NNMT: variants seen among roughly 807,000 people sequenced by gnomAD.
NNMT encodes the protein nicotinamide N-methyltransferase.
NNMT carries 10 observed loss-of-function variants against 11.7 expected under a neutral mutation model. The ratio of observed to expected loss-of-function variants is 0.85; its 90% confidence interval spans 0.53 to 1.45. The LOEUF (loss-of-function observed/expected upper bound fraction) is 1.45, where lower values mean the gene tolerates loss of function less well. Ranked by LOEUF, NNMT falls within the 40% of genes most tolerant of loss-of-function variation. The pLI, the probability that NNMT is intolerant of heterozygous loss-of-function variation, is 0.00. For missense variants in NNMT, 381 were observed against 319.4 expected (o/e 1.19, Z -1.47); for synonymous variants, 143 against 133.8 (o/e 1.07, Z -0.48).
At chr11:114,279,971 G>A (rs574965494) in intron 2 of NNMT, among the ~76,000 whole-genome samples, 4 of 152,150 alleles carry the variant, frequency 2.6e-5, no homozygotes, top group Admixed American at 2.0e-4. Flanking sequence ...GGACTAGGGC[G>A]TCGAAGGTGT....
At chr11:114,275,916 T>C (rs1945209892) in intron 2 of NNMT, among the ~76,000 whole-genome samples, 1 of 152,030 alleles carries the variant, frequency 6.6e-6, no homozygotes, top group Non-Finnish European at 1.5e-5. Context: ...ATATGTCCCA[T>C]GAGGTAAGCT....
Position 114,298,012 on chromosome 11 carries a change from C to A in NNMT, c.216C>A (p.Leu72=). 6.2e-7 allele frequency: 1 copy of A among 1,614,044 alleles called. No homozygotes were observed. The highest frequency in any genetic ancestry group is 8.5e-7 in the Non-Finnish European group (1 of 1,180,038). The change falls in exon 2 of 3, where the codon CTC becomes CTA. Residue 72 remains leucine, a synonymous_variant. Coordinates refer to ENST00000299964, the MANE Select transcript of NNMT (RefSeq NM_006169.3). Reference sequence around the variant, plus strand: ...CTGGCCCCACTATCTATCAGCTCCTCTCTGCTTGTGAATCCTTTAAGGAGA... The same window carrying A: ...CTGGCCCCACTATCTATCAGCTCCTATCTGCTTGTGAATCCTTTAAGGAGA... ...IGSGPTIYQL[L]SACESFKEIV...
upstream of NNMT, among the ~76,000 whole-genome samples, chr11:114,292,270 G>C (rs1945340475): frequency 6.6e-6 from 1 of 152,034 alleles, no homozygotes. Flanking sequence ...TCAGGAAAAG[G>C]GTGTATCTTG....
chr11:114,293,143 A>G (rs1182486836), upstream of NNMT, among the ~76,000 whole-genome samples: 1 of 152,222 alleles, frequency 6.6e-6, no homozygotes, highest in Non-Finnish European at 1.5e-5. Context: ...TTACTAGGGC[A>G]GTCAGCAGAA....
intron 2 of NNMT, among the ~76,000 whole-genome samples, chr11:114,276,107 G>GCCCCCCC (rs35929563): frequency 1.1e-4 from 16 of 142,278 alleles, no homozygotes; most frequent in South Asian, 2.2e-4. Flanking sequence ...GTTTCAGGCT[G>GCCCCCCC]CCCCCCCACC....
At chr11:114,267,821 T>C (rs1180436246) in intron 2 of NNMT, among the ~76,000 whole-genome samples, 1 of 152,236 alleles carries the variant, frequency 6.6e-6, no homozygotes, top group African/African-American at 2.4e-5. Context: ...TTAACCTCAG[T>C]GCCATTTATA....
intron 2 of NNMT, among the ~76,000 whole-genome samples, chr11:114,267,581 T>C (rs769825034): frequency 1.3e-5 from 2 of 152,188 alleles, no homozygotes; most frequent in Non-Finnish European, 2.9e-5. Context: ...TACATAAAAA[T>C]AGAATAATAT....
chr11:114,265,323 T>A (rs1358197356), intron 2 of NNMT, among the ~76,000 whole-genome samples: 1 of 152,230 alleles, frequency 6.6e-6, no homozygotes, highest in Non-Finnish European at 1.5e-5. Context: ...GCTTTCTACA[T>A]AACTGACTTG....
intron 2 of NNMT, among the ~76,000 whole-genome samples, chr11:114,269,223 A>G (rs542259201): frequency 6.6e-6 from 1 of 152,278 alleles, no homozygotes; most frequent in African/African-American, 2.4e-5. Flanking sequence ...TGTATTTTGG[A>G]TGAATGCAGT....
At chr11:114,285,241 A>G (rs1565722903) in intron 2 of NNMT, among the ~76,000 whole-genome samples, 1 of 152,170 alleles carries the variant, frequency 6.6e-6, no homozygotes, top group Non-Finnish European at 1.5e-5. Context: ...TAATTAGATA[A>G]CTAGAGTTTC....
At chr11:114,279,729 G>A (rs997665653) in intron 2 of NNMT, among the ~76,000 whole-genome samples, 1 of 152,196 alleles carries the variant, frequency 6.6e-6, no homozygotes. Flanking sequence ...TCACCAATAA[G>A]TATTCATATA....
At chr11:114,298,896 A>G (rs938982230) in intron 2 of NNMT, among the ~76,000 whole-genome samples, 1 of 152,204 alleles carries the variant, frequency 6.6e-6, no homozygotes, top group Non-Finnish European at 1.5e-5. Context: ...TGTCTTTCTC[A>G]TATCCTTATG....
At chr11:114,305,816 C>T (rs1312035329) in intron 2 of NNMT, among the ~76,000 whole-genome samples, 2 of 152,022 alleles carry the variant, frequency 1.3e-5, no homozygotes, top group Admixed American at 1.3e-4. Context: ...CATATGTGTG[C>T]ATGTGTCTTT....
chr11:114,298,652 G>A (rs543604400), intron 2 of NNMT, among the ~76,000 whole-genome samples: 2 of 152,108 alleles, frequency 1.3e-5, no homozygotes, highest in Non-Finnish European at 2.9e-5. Flanking sequence ...AATCTGACTA[G>A]GTTTTTAAAC....
intron 1 of NNMT, among the ~76,000 whole-genome samples, chr11:114,258,222 T>G (rs1401103687): frequency 2.0e-5 from 3 of 152,244 alleles, no homozygotes; most frequent in Non-Finnish European, 4.4e-5. Flanking sequence ...GCCGTGGGGC[T>G]GCAGGGTGTT....
At chr11:114,293,988 A>G (rs575850800), upstream of NNMT, among the ~76,000 whole-genome samples, 40 of 152,310 alleles carry the variant, frequency 2.6e-4, no homozygotes, top group Middle Eastern at 3.4e-3. Flanking sequence ...TTGCAATAAC[A>G]TGGATGGAAC....
intron 2 of NNMT, among the ~76,000 whole-genome samples, chr11:114,289,228 A>G (rs925217371): frequency 2.0e-5 from 3 of 152,208 alleles, no homozygotes; most frequent in Non-Finnish European, 2.9e-5. Context: ...AGCATCTGCC[A>G]TGAGGTTCCC....
At chr11:114,267,550 GA>G (rs1164277942) in intron 2 of NNMT, among the ~76,000 whole-genome samples, 6 of 152,158 alleles carry the variant, frequency 3.9e-5, no homozygotes, top group Non-Finnish European at 8.8e-5. Context: ...TATTTTTAAT[GA>G]ATTACATATA....
chr11:114,312,806 A>C lies in NNMT; in HGVS notation c.*329A>C, dbSNP rs757316433. On this transcript the variant is annotated 3_prime_UTR_variant, in exon 3 of 3. Transcript: ENST00000299964. ...TGCCTACAGAGAAGTGTCTGCAGTTACTCACTATTAGTTTCCTAAGGGGGC... is the reference window on the plus strand; with the variant it reads ...TGCCTACAGAGAAGTGTCTGCAGTTCCTCACTATTAGTTTCCTAAGGGGGC... 1.6e-4 allele frequency: 43 copies of C among 265,900 alleles called. 1 individual carries two copies. Among genetic ancestry groups the C allele is most frequent in the Non-Finnish European group, 2.5e-4 (34 of 138,558 alleles). The allele number at this position is 265,900 out of a possible 1,614,324, so 16.5% of individuals were successfully genotyped here.
Sources: gnomAD v4.1 joint callset for allele counts (sites outside exome capture counted in the v4.1 genomes callset) on GRCh38, gnomAD v4.1.1 for gene constraint, MANE v1.5 for transcripts, NCBI Gene and HGNC (gene_info 2026-07-23, HGNC 2026-07-21) for gene names.